ZEB1: variants seen among roughly 807,000 people sequenced by gnomAD.
ZEB1 encodes the protein zinc finger E-box-binding homeobox 1.
ZEB1 carries 21 observed loss-of-function variants against 84.9 expected under a neutral mutation model. The ratio of observed to expected loss-of-function variants is 0.25; its 90% CI spans 0.18 to 0.36. The LOEUF is 0.36. Ranked by LOEUF, ZEB1 falls within the 10% of genes least tolerant of loss-of-function variation. The probability of loss-of-function intolerance (pLI) is 1.00; values close to 1 mark genes in which losing one functional copy is unlikely to be tolerated. For missense variants in ZEB1, 1,104 were observed against 1,330.2 expected, an observed-to-expected ratio of 0.83 and a Z score of 2.65; for synonymous variants, 420 against 471.1, an observed-to-expected ratio of 0.89 and a Z score of 1.41.
chr10:31,446,171 CCAT>C, intron 1 of ZEB1, among the ~76,000 whole-genome samples: 1 of 152,274 alleles, frequency 6.6e-6, no homozygotes, highest in Middle Eastern at 3.4e-3. Context: ...AGGAATGTAT[CCAT>C]CTCTCCTAGA....
At position 31,527,454 on chromosome 10, in the gene ZEB1, A is replaced by AC. The variant is rs2073716635; in HGVS notation, c.*190_*191insC. On this transcript the variant is annotated 3_prime_UTR_variant, in exon 9 of 9. Coordinates refer to ENST00000424869, the MANE Select transcript of ZEB1 (RefSeq NM_001174096.2). ...ACACACACACACACACACACACACA[A>AC]AATAAATCCGGGTGTGCCTGAACCT... 4 of 594,326 alleles carry AC rather than the reference A, an allele frequency of 6.7e-6. No homozygotes were observed. Among genetic ancestry groups the AC allele is most frequent in the South Asian group, 3.0e-5 (1 of 33,232 alleles). The allele number at this position is 594,326 out of a possible 1,614,324, so 36.8% of individuals were successfully genotyped here.
chr10:31,324,712 T>C lies in ZEB1; in HGVS notation c.58+5420T>C, dbSNP rs1414131250. Reference sequence around the variant, plus strand: ...GATATAAGCTAAAATAAAAGTCCATTGTTGAAAGAAAACTCAAAAAATTTT... The same window carrying C: ...GATATAAGCTAAAATAAAAGTCCATCGTTGAAAGAAAACTCAAAAAATTTT... On this transcript the variant is annotated intron_variant, in intron 1 of 8. Coordinates refer to ENST00000424869, the MANE Select transcript of ZEB1 (RefSeq NM_001174096.2). 2.6e-5 allele frequency among the ~76,000 whole-genome samples: 4 copies of C among 152,158 alleles called. 1 individual carries two copies. Among genetic ancestry groups the C allele is most frequent in the Admixed American group, 2.0e-4 (3 of 15,288 alleles).
chr10:31,380,166 A>T (rs1488389925), intron 1 of ZEB1, among the ~76,000 whole-genome samples: 3 of 151,796 alleles, frequency 2.0e-5, no homozygotes, highest in African/African-American at 7.3e-5. Context: ...CTCACCCCCA[A>T]ACCCCCTTCT....
intron 2 of ZEB1, among the ~76,000 whole-genome samples, chr10:31,470,011 T>C (rs375973160): frequency 2.0e-5 from 3 of 151,896 alleles, no homozygotes; most frequent in Admixed American, 6.6e-5. Context: ...TCCTGTCTGT[T>C]AGAAGGAAAA....
intron 1 of ZEB1, among the ~76,000 whole-genome samples, chr10:31,347,495 C>T (rs529637195): frequency 2.7e-4 from 41 of 152,256 alleles, no homozygotes; most frequent in African/African-American, 9.9e-4. Context: ...CAGGCATGAG[C>T]CACCATGCCT....
intron 1 of ZEB1, among the ~76,000 whole-genome samples, chr10:31,388,805 A>G (rs1043850412): frequency 6.6e-6 from 1 of 152,050 alleles, no homozygotes; most frequent in Non-Finnish European, 1.5e-5. Flanking sequence ...ATGGACAAAT[A>G]TGTTATCCCT....
intron 1 of ZEB1, among the ~76,000 whole-genome samples, chr10:31,331,885 A>T (rs2036875636): frequency 6.6e-6 from 1 of 152,158 alleles, no homozygotes; most frequent in South Asian, 2.1e-4. Flanking sequence ...AATGCTTTAT[A>T]TTGCTTTCCT....
chr10:31,474,719 C>A (rs2063811795), intron 2 of ZEB1, among the ~76,000 whole-genome samples: 1 of 151,984 alleles, frequency 6.6e-6, no homozygotes, highest in Non-Finnish European at 1.5e-5. Context: ...GGGTATATAC[C>A]CAAAGGACTA....
intron 1 of ZEB1, among the ~76,000 whole-genome samples, chr10:31,357,821 T>G (rs2042354343): frequency 6.6e-6 from 1 of 152,170 alleles, no homozygotes; most frequent in Non-Finnish European, 1.5e-5. Context: ...CTCAGTGATT[T>G]TTTTCAAGGA....
chr10:31,455,269 G>T (rs1038897227), intron 1 of ZEB1, among the ~76,000 whole-genome samples: 4 of 152,098 alleles, frequency 2.6e-5, no homozygotes, highest in African/African-American at 4.8e-5. Context: ...AACTCAAGAC[G>T]GATCAAAGAC....
At chr10:31,383,544 T>A (rs1323565186) in intron 1 of ZEB1, among the ~76,000 whole-genome samples, 3 of 152,186 alleles carry the variant, frequency 2.0e-5, no homozygotes, top group Admixed American at 6.5e-5. Flanking sequence ...GTAATTTTTT[T>A]AAAATGCTAA....
chr10:31,320,857 C>T (rs995389853), intron 1 of ZEB1, among the ~76,000 whole-genome samples: 2 of 152,130 alleles, frequency 1.3e-5, no homozygotes, highest in African/African-American at 4.8e-5. Context: ...GCAGGGAGAG[C>T]AGCCCCCGCC....
chr10:31,441,343 T>A (rs942018590), intron 1 of ZEB1, among the ~76,000 whole-genome samples: 11 of 152,330 alleles, frequency 7.2e-5, no homozygotes, highest in African/African-American at 2.6e-4. Flanking sequence ...CTGGGAAAAC[T>A]GACTAGCCAT....
chr10:31,466,525 AGAAAT>A (rs1212467227), intron 2 of ZEB1, among the ~76,000 whole-genome samples: 2 of 152,242 alleles, frequency 1.3e-5, no homozygotes, highest in Non-Finnish European at 2.9e-5. Context: ...AGGTCAAAGA[AGAAAT>A]GAAAGGGGAA....
At chr10:31,522,423 G>A (rs570667112) in intron 7 of ZEB1, among the ~76,000 whole-genome samples, 43 of 152,296 alleles carry the variant, frequency 2.8e-4, no homozygotes, top group African/African-American at 8.7e-4. Context: ...CAGGAATGAA[G>A]TATACAAAGA....
intron 1 of ZEB1, among the ~76,000 whole-genome samples, chr10:31,336,010 C>CA (rs1336327263): frequency 6.6e-6 from 1 of 152,092 alleles, no homozygotes; most frequent in Non-Finnish European, 1.5e-5. Flanking sequence ...GTAAATCTAA[C>CA]AACGTGCTCA....
At chr10:31,360,248 TG>T (rs1320357419) in intron 1 of ZEB1, among the ~76,000 whole-genome samples, 1 of 152,180 alleles carries the variant, frequency 6.6e-6, no homozygotes, top group Non-Finnish European at 1.5e-5. Flanking sequence ...GTAAGAAGGA[TG>T]AGCTTAGACT....
intron 1 of ZEB1, among the ~76,000 whole-genome samples, chr10:31,412,252 A>G (rs897573248): frequency 6.6e-6 from 1 of 152,192 alleles, no homozygotes; most frequent in Admixed American, 6.5e-5. Context: ...TAAAATTGAT[A>G]AAATACACCT....
chr10:31,495,696 A>G lies in ZEB1; in HGVS notation c.260-80A>G, dbSNP rs555358212. 78 of 1,452,642 alleles carry G rather than the reference A, an allele frequency of 5.4e-5. No homozygotes were observed. In the East Asian group the frequency reaches 1.5e-3, roughly 28 times the overall value. The allele number at this position is 1,452,642 out of a possible 1,614,324, so 90.0% of individuals were successfully genotyped here. A position where few individuals can be genotyped will look rare whatever the true frequency, so the allele number is the denominator to read the frequency against. ...TAATGATCAGATCAGAGTAATTGGG[A>G]TATCCAAAACTTTAAACATTTGTCT... is the stretch of plus-strand genomic sequence containing the variant. On this transcript the variant is annotated intron_variant, in intron 2 of 8. Transcript: ENST00000424869.
Sources: gnomAD v4.1 joint callset for allele counts (sites outside exome capture counted in the v4.1 genomes callset) on GRCh38, gnomAD v4.1.1 for gene constraint, MANE v1.5 for transcripts, NCBI Gene and HGNC (gene_info 2026-07-23, HGNC 2026-07-21) for gene names.